The following BTAF1 variants were observed in gnomAD, a reference collection of about 807,000 sequenced individuals.
BTAF1 encodes B-TFIID TATA-box binding protein associated factor 1, also known as TATA-binding protein-associated factor 172.
BTAF1 carries 38 observed loss-of-function variants against 227.1 expected under a neutral mutation model. The ratio of observed to expected loss-of-function variants is 0.17; its 90% CI spans 0.13 to 0.22. The LOEUF (loss-of-function observed/expected upper bound fraction) is 0.22, where lower values mean the gene tolerates loss of function less well. Ranked by LOEUF, BTAF1 falls within the 10% of genes least tolerant of loss-of-function variation. The pLI, the probability that BTAF1 is intolerant of heterozygous loss-of-function variation, is 1.00. For missense variants in BTAF1, 1,598 were observed against 2,204.0 expected (o/e 0.73, Z 5.51); for synonymous variants, 742 against 751.9 (o/e 0.99, Z 0.21).
At chr10:92,003,580 A>T (rs2797647) in intron 25 of BTAF1, among the ~76,000 whole-genome samples, 48,556 of 152,080 alleles carry the variant, frequency 0.32, 8,883 homozygotes, top group South Asian at 0.52. Context: ...TGACAAAATT[A>T]CCTTCTTAGA....
chr10:91,960,930 A>G (rs1191643204), intron 11 of BTAF1, among the ~76,000 whole-genome samples: 4 of 152,238 alleles, frequency 2.6e-5, no homozygotes, highest in African/African-American at 9.6e-5. Context: ...CCTATTTCAT[A>G]TATAAATATA....
Position 91,956,665 on chromosome 10 carries a change from T to C in BTAF1, c.831+8T>C, listed in dbSNP as rs1314867740. ...TCTTCCTTAATTGAAGAGGTACTCT[T>C]GAAAGACTCTAAAGTATCCATTAAA... On this transcript the variant is annotated splice_region_variant and intron_variant, in intron 7 of 37. Transcript: ENST00000265990. 1.2e-6 allele frequency: 2 copies of C among 1,608,384 alleles called. No individual in the cohort carries two copies. Among genetic ancestry groups the C allele is most frequent in the African/African-American group, 2.7e-5 (2 of 74,634 alleles).
intron 37 of BTAF1, among the ~76,000 whole-genome samples, chr10:92,027,919 A>G (rs1406229719): frequency 1.3e-5 from 2 of 152,222 alleles, no homozygotes; most frequent in Non-Finnish European, 2.9e-5. Context: ...GGGGTATATG[A>G]TGATTAAAAC....
At chr10:91,950,041 C>T (rs1255421140) in intron 4 of BTAF1, among the ~76,000 whole-genome samples, 1 of 151,144 alleles carries the variant, frequency 6.6e-6, no homozygotes, top group Non-Finnish European at 1.5e-5. Context: ...ACTCAGAAGG[C>T]TGAGGCAGGA....
chr10:91,981,508 G>T, intron 15 of BTAF1, 135 bp from the exon 16 acceptor site: 1 of 895,336 alleles, frequency 1.1e-6, no homozygotes, highest in Non-Finnish European at 1.6e-6. Flanking sequence ...TTCAAAATAA[G>T]CCTCTATATT....
intron 25 of BTAF1, among the ~76,000 whole-genome samples, chr10:91,998,968 C>T (rs1849318408): frequency 6.6e-6 from 1 of 150,622 alleles, no homozygotes; most frequent in South Asian, 2.1e-4. Context: ...GAGGCTGATG[C>T]AGGAGAATCG....
intron 2 of BTAF1, among the ~76,000 whole-genome samples, chr10:91,936,967 T>C (rs532082289): frequency 1.3e-5 from 2 of 152,220 alleles, no homozygotes; most frequent in East Asian, 3.9e-4. Context: ...TCTTTCCTTT[T>C]TCCTCGGCTG....
intron 14 of BTAF1, among the ~76,000 whole-genome samples, chr10:91,967,185 C>T (rs1656064270): frequency 1.3e-5 from 2 of 152,136 alleles, no homozygotes; most frequent in South Asian, 4.1e-4. Flanking sequence ...TTCCCAGGCT[C>T]TTGCCTTTAT....
chr10:92,003,258 C>T (rs1293838695), intron 25 of BTAF1, among the ~76,000 whole-genome samples: 1 of 151,928 alleles, frequency 6.6e-6, no homozygotes, highest in African/African-American at 2.4e-5. Context: ...TGGTGAAAAC[C>T]CATTTAATTA....
intron 4 of BTAF1, among the ~76,000 whole-genome samples, chr10:91,946,131 G>A (rs969538655): frequency 3.3e-5 from 5 of 152,086 alleles, no homozygotes; most frequent in Admixed American, 6.6e-5. Flanking sequence ...AGGCAAAGGC[G>A]GGTGATCACC....
chr10:92,017,966 T>C (rs1276758602), intron 33 of BTAF1, among the ~76,000 whole-genome samples: 1 of 152,196 alleles, frequency 6.6e-6, no homozygotes, highest in Admixed American at 6.5e-5. Context: ...AGAGACCATA[T>C]AAGGTTCTGT....
intron 12 of BTAF1, among the ~76,000 whole-genome samples, chr10:91,963,508 T>C (rs977055921): frequency 6.6e-6 from 1 of 151,994 alleles, no homozygotes; most frequent in Non-Finnish European, 1.5e-5. Flanking sequence ...GCTCAAGAGA[T>C]CTTCCCAGTC....
intron 3 of BTAF1, 136 bp from the exon 4 acceptor site, chr10:91,942,285 TA>T (rs67087052): frequency 2.1e-3 from 1,263 of 594,640 alleles, no homozygotes; most frequent in Non-Finnish European, 2.5e-3. Flanking sequence ...CCTCACTTCT[TA>T]AAAAAAAAAG....
intron 14 of BTAF1, among the ~76,000 whole-genome samples, chr10:91,971,621 G>T (rs143042201): frequency 6.6e-6 from 1 of 151,756 alleles, no homozygotes; most frequent in Admixed American, 6.6e-5. Flanking sequence ...ACAGGCATGC[G>T]CCACCACGCC....
chr10:92,004,140 G>C (rs1277906680), intron 25 of BTAF1, among the ~76,000 whole-genome samples: 1 of 151,882 alleles, frequency 6.6e-6, no homozygotes, highest in South Asian at 2.1e-4. Context: ...CTCTTATCAA[G>C]ATTTATGGTT....
At chr10:91,960,263 C>CAGT (rs1299808930) in intron 11 of BTAF1, 109 bp downstream of exon 11, 1 of 1,205,076 alleles carries the variant, frequency 8.3e-7, no homozygotes, top group African/African-American at 1.5e-5. Flanking sequence ...ACAGAGAAGC[C>CAGT]AGTCTTCCAA....
In BTAF1 at chr10:91,950,152, G is replaced by T. The variant is rs926646512; in HGVS notation, c.401-1251G>T. On this transcript the variant is annotated intron_variant, in intron 4 of 37. Transcript: ENST00000265990. ...AGTGAGAGACCTTGTCCTTTGTGGG[G>T]GGGGGCGGGAAAGAAGACTAGGTTT... is the stretch of plus-strand genomic sequence containing the variant. 2.8e-4 allele frequency among the ~76,000 whole-genome samples: 24 copies of T among 86,140 alleles called. 1 individual carries two copies. The highest frequency in any genetic ancestry group is 8.6e-4 in the African/African-American group (22 of 25,708). 56.5% of individuals were successfully genotyped at this position (86,140 alleles called of 152,430 possible).
intron 4 of BTAF1, among the ~76,000 whole-genome samples, 194 bp downstream of exon 4, chr10:91,942,762 A>AT (rs1276275200): frequency 1.3e-5 from 2 of 152,052 alleles, no homozygotes; most frequent in Admixed American, 6.6e-5. Context: ...CAATATGAGT[A>AT]TTTTTTCTCC....
chr10:91,949,992 A>G (rs1845635863), intron 4 of BTAF1, among the ~76,000 whole-genome samples: 1 of 152,084 alleles, frequency 6.6e-6, no homozygotes, highest in Admixed American at 6.6e-5. Context: ...TTAAAAAAAA[A>G]TTAGCCAGGA....
Sources: allele counts gnomAD v4.1 joint callset (sites outside exome capture counted in the v4.1 genomes callset), GRCh38; gene constraint gnomAD v4.1.1; transcripts MANE v1.5; gene names NCBI Gene and HGNC (gene_info 2026-07-23, HGNC 2026-07-21).